PDZD2: variants seen among roughly 807,000 people sequenced by gnomAD.
PDZD2 encodes PDZ domain-containing protein 2.
In PDZD2, 90 loss-of-function variants were observed where a neutral mutation model predicts 220.7. That is an observed-to-expected ratio of 0.41 (90% confidence interval 0.34 to 0.49). The LOEUF is 0.49. PDZD2 is among the 20% of genes least tolerant of loss of function. PDZD2 has a pLI of 0.28. For missense variants in PDZD2, 3,174 were observed against 3,608.5 expected (o/e 0.88, Z 3.08); for synonymous variants, 1,375 against 1,450.5 (o/e 0.95, Z 1.18).
intron 14 of PDZD2, among the ~76,000 whole-genome samples, chr5:32,062,496 C>T (rs984317980): frequency 4.0e-5 from 6 of 151,408 alleles, no homozygotes; most frequent in East Asian, 3.9e-4. Flanking sequence ...CGGGTTCCAG[C>T]GATCCTCCCA....
chr5:31,684,759 C>T (rs1383401279), intron 1 of PDZD2, among the ~76,000 whole-genome samples: 2 of 152,120 alleles, frequency 1.3e-5, no homozygotes, highest in Non-Finnish European at 2.9e-5. Flanking sequence ...GATGTGTGAA[C>T]TCATTTCAAC....
intron 2 of PDZD2, among the ~76,000 whole-genome samples, chr5:31,808,211 T>C (rs1322796658): frequency 6.6e-6 from 1 of 152,132 alleles, no homozygotes; most frequent in Admixed American, 6.5e-5. Context: ...ACTGGATATA[T>C]AGTAAGAGGT....
intron 1 of PDZD2, among the ~76,000 whole-genome samples, chr5:31,682,396 C>T (rs1746685840): frequency 6.6e-6 from 1 of 152,128 alleles, no homozygotes; most frequent in South Asian, 2.1e-4. Flanking sequence ...TTTGTGTTTC[C>T]GGAAGCCTGG....
intron 21 of PDZD2, among the ~76,000 whole-genome samples, chr5:32,096,652 A>C (rs1743732714): frequency 6.6e-6 from 1 of 151,860 alleles, no homozygotes; most frequent in Non-Finnish European, 1.5e-5. Context: ...AATTAATTGT[A>C]CCTGAAATCC....
chr5:32,021,011 A>G (rs1754156759), intron 6 of PDZD2, among the ~76,000 whole-genome samples: 1 of 152,110 alleles, frequency 6.6e-6, no homozygotes, highest in African/African-American at 2.4e-5. Flanking sequence ...CGGGGGGAAA[A>G]AAACCCCACC....
intron 2 of PDZD2, among the ~76,000 whole-genome samples, chr5:31,835,342 A>C (rs979043315): frequency 2.0e-5 from 3 of 152,186 alleles, no homozygotes; most frequent in Admixed American, 1.3e-4. Context: ...TTTTAGGGCC[A>C]GGAGCAGTGG....
intron 1 of PDZD2, among the ~76,000 whole-genome samples, chr5:31,766,300 G>A (rs867243280): frequency 6.6e-6 from 1 of 152,214 alleles, no homozygotes; most frequent in South Asian, 2.1e-4. Context: ...GTGAAACTCA[G>A]ATGTCCATAT....
At chr5:32,031,728 G>A (rs926839876) in intron 6 of PDZD2, among the ~76,000 whole-genome samples, 16 of 152,140 alleles carry the variant, frequency 1.1e-4, no homozygotes, top group African/African-American at 3.9e-4. Flanking sequence ...CTTTAATTTC[G>A]ACTAAACCTT....
In PDZD2 at chr5:31,944,842, C is replaced by G. The variant is rs374961740; in HGVS notation, c.477-38313C>G. Among the ~76,000 whole-genome samples, 49 of 152,330 alleles carry G rather than the reference C, an allele frequency of 3.2e-4. 1 individual carries two copies. The South Asian group carries it at 4.8e-3, about 15-fold the overall frequency. ...TTCCTGGCCTCATGGCCCATGTGCA[C>G]CAGGTGAGCTGTGAGCTGAGCCGTG... On this transcript the variant is annotated intron_variant, in intron 2 of 24. Coordinates refer to ENST00000438447, the MANE Select transcript of PDZD2 (RefSeq NM_178140.4).
chr5:31,778,589 G>A (rs1001334519), intron 1 of PDZD2, among the ~76,000 whole-genome samples: 1 of 152,186 alleles, frequency 6.6e-6, no homozygotes, highest in Non-Finnish European at 1.5e-5. Context: ...AAGCCAGCGA[G>A]ACCATGAACC....
chr5:31,785,195 G>A (rs1176655513), intron 1 of PDZD2, among the ~76,000 whole-genome samples: 1 of 151,872 alleles, frequency 6.6e-6, no homozygotes, highest in East Asian at 1.9e-4. Flanking sequence ...CTTTCTTGCT[G>A]GTAACTGTAT....
At chr5:32,105,711 C>T (rs1178805093) in intron 24 of PDZD2, among the ~76,000 whole-genome samples, 4 of 152,106 alleles carry the variant, frequency 2.6e-5, no homozygotes, top group Non-Finnish European at 5.9e-5. Context: ...TCAACAAAAG[C>T]TATGCAAGAC....
chr5:31,651,634 A>ATTT (rs1561363695), intron 1 of PDZD2, among the ~76,000 whole-genome samples: 31 of 149,296 alleles, frequency 2.1e-4, no homozygotes, highest in African/African-American at 7.7e-4. Flanking sequence ...TTATTTATTT[A>ATTT]TTTATTTATT....
At chr5:31,699,591 T>G (rs966259742) in intron 1 of PDZD2, among the ~76,000 whole-genome samples, 2 of 151,848 alleles carry the variant, frequency 1.3e-5, no homozygotes, top group Admixed American at 1.3e-4. Context: ...TCTAACTTGT[T>G]TATTTATTTG....
chr5:31,675,695 CTTT>C (rs544495514), intron 1 of PDZD2, among the ~76,000 whole-genome samples: 1 of 152,006 alleles, frequency 6.6e-6, no homozygotes, highest in Non-Finnish European at 1.5e-5. Context: ...CCTTGAAGGA[CTTT>C]TTTATTTTTT....
intron 2 of PDZD2, 47 bp downstream of exon 2, chr5:31,799,771 CTGGT>C: frequency 3.1e-6 from 4 of 1,280,652 alleles, no homozygotes; most frequent in Non-Finnish European, 4.5e-6. Context: ...ACACGGGAAC[CTGGT>C]GGTTCCCAGA....
intron 1 of PDZD2, among the ~76,000 whole-genome samples, chr5:31,792,598 A>G (rs1302289595): frequency 6.6e-6 from 1 of 151,566 alleles, no homozygotes; most frequent in Non-Finnish European, 1.5e-5. Flanking sequence ...TTTGTATTTT[A>G]GTGGAGACGG....
At chr5:31,870,706 G>A (rs1461910442) in intron 2 of PDZD2, among the ~76,000 whole-genome samples, 1 of 152,018 alleles carries the variant, frequency 6.6e-6, no homozygotes, top group Non-Finnish European at 1.5e-5. Flanking sequence ...TGGCCAACAT[G>A]GTGAAACCCC....
intron 1 of PDZD2, among the ~76,000 whole-genome samples, chr5:31,697,652 T>C (rs1747429774): frequency 6.6e-6 from 1 of 152,314 alleles, no homozygotes; most frequent in South Asian, 2.1e-4. Context: ...CTGCCCAATC[T>C]GTTCCTCTGG....
Sources: gnomAD v4.1 joint callset for allele counts (sites outside exome capture counted in the v4.1 genomes callset) on GRCh38, gnomAD v4.1.1 for gene constraint, MANE v1.5 for transcripts, NCBI Gene and HGNC (gene_info 2026-07-23, HGNC 2026-07-21) for gene names.